The following NRXN3 variants were observed in gnomAD, a reference collection of about 807,000 sequenced individuals.
NRXN3 encodes neurexin III.
NRXN3 carries 32 observed loss-of-function variants against 137.6 expected under a neutral mutation model. That is an observed-to-expected ratio of 0.23 (90% CI 0.18 to 0.31). The LOEUF is 0.31. Ranked by LOEUF, NRXN3 falls within the 10% of genes least tolerant of loss-of-function variation. NRXN3 has a pLI of 1.00. For missense variants in NRXN3, 1,574 were observed against 2,062.5 expected, an observed-to-expected ratio of 0.76 and a Z score of 4.59; for synonymous variants, 798 against 784.5, an observed-to-expected ratio of 1.02 and a Z score of -0.29.
intron 15 of NRXN3, among the ~76,000 whole-genome samples, chr14:79,270,750 C>T (rs902516977): frequency 1.3e-5 from 2 of 152,134 alleles, no homozygotes; most frequent in Non-Finnish European, 2.9e-5. Context: ...ACATAGACAC[C>T]ATCAATGCCA....
chr14:79,616,413 G>A (rs995803714), intron 16 of NRXN3, among the ~76,000 whole-genome samples: 1 of 152,128 alleles, frequency 6.6e-6, no homozygotes, highest in Non-Finnish European at 1.5e-5. Flanking sequence ...CCTATCTCCA[G>A]TCTCACCAAG....
intron 10 of NRXN3, among the ~76,000 whole-genome samples, chr14:78,920,910 A>G (rs1241474277): frequency 6.6e-6 from 1 of 152,156 alleles, no homozygotes; most frequent in African/African-American, 2.4e-5. Flanking sequence ...TATGTTCACC[A>G]ATCTGGAAGA....
intron 10 of NRXN3, among the ~76,000 whole-genome samples, chr14:78,888,871 A>ACACACACACACACACACACACACACC (rs1491176672): frequency 4.1e-5 from 6 of 146,230 alleles, no homozygotes; most frequent in Non-Finnish European, 9.0e-5. Flanking sequence ...ACACACACAC[A>ACACACACACACACACACACACACACC]CCCCAGATTT....
chr14:78,781,723 A>G (rs2098770463), intron 8 of NRXN3, among the ~76,000 whole-genome samples: 1 of 152,248 alleles, frequency 6.6e-6, no homozygotes, highest in African/African-American at 2.4e-5. Context: ...AATAAAAATG[A>G]AAACAAAATA....
chr14:79,103,100 C>T (rs2051661274), intron 15 of NRXN3, among the ~76,000 whole-genome samples: 1 of 152,110 alleles, frequency 6.6e-6, no homozygotes, highest in South Asian at 2.1e-4. Flanking sequence ...AAGTCCCAAG[C>T]CCCTGTTCTT....
chr14:79,385,445 A>C (rs1442858793), intron 15 of NRXN3, among the ~76,000 whole-genome samples: 1 of 151,974 alleles, frequency 6.6e-6, no homozygotes. Flanking sequence ...ACATTTTCTT[A>C]ATCCAGTCTA....
At chr14:78,433,690 T>A (rs1261915747) in intron 4 of NRXN3, among the ~76,000 whole-genome samples, 4 of 152,194 alleles carry the variant, frequency 2.6e-5, no homozygotes, top group African/African-American at 9.7e-5. Flanking sequence ...TATGGGATGA[T>A]GCAGCAAGAA....
chr14:79,204,710 T>C (rs1039466004), intron 15 of NRXN3, among the ~76,000 whole-genome samples: 1 of 152,138 alleles, frequency 6.6e-6, no homozygotes, highest in African/African-American at 2.4e-5. Context: ...TGGGTAGATA[T>C]GGAACAAAAA....
chr14:78,201,118 C>T (rs1385750674), intron 1 of NRXN3, among the ~76,000 whole-genome samples: 1 of 152,204 alleles, frequency 6.6e-6, no homozygotes, highest in African/African-American at 2.4e-5. Flanking sequence ...ATATTTTCAA[C>T]ATTAATATTG....
At chr14:78,655,252 A>G (rs2097775643) in intron 6 of NRXN3, among the ~76,000 whole-genome samples, 1 of 152,250 alleles carries the variant, frequency 6.6e-6, no homozygotes, top group South Asian at 2.1e-4. Flanking sequence ...AAATGAAATG[A>G]TGTACATAAA....
At chr14:78,620,530 G>A (rs1237196360) in intron 4 of NRXN3, among the ~76,000 whole-genome samples, 3 of 152,162 alleles carry the variant, frequency 2.0e-5, no homozygotes, top group Admixed American at 1.3e-4. Flanking sequence ...ATGGCCAAAG[G>A]GGGAATCACT....
chr14:79,289,807 G>A (rs1378723893), intron 15 of NRXN3, among the ~76,000 whole-genome samples: 2 of 152,140 alleles, frequency 1.3e-5, no homozygotes, highest in African/African-American at 4.8e-5. Context: ...CAGAAGGCAG[G>A]AAAGAAATGG....
At chr14:78,700,030 T>C (rs2098264350) in intron 6 of NRXN3, among the ~76,000 whole-genome samples, 1 of 152,202 alleles carries the variant, frequency 6.6e-6, no homozygotes, top group African/African-American at 2.4e-5. Flanking sequence ...TTTATGGTCA[T>C]AGGTCCTTGT....
intron 15 of NRXN3, among the ~76,000 whole-genome samples, chr14:79,169,883 G>A (rs761186978): frequency 3.4e-4 from 51 of 152,042 alleles, no homozygotes; most frequent in Admixed American, 4.6e-4. Flanking sequence ...CAAAAGTATA[G>A]TAAATCCAGG....
intron 4 of NRXN3, among the ~76,000 whole-genome samples, chr14:78,340,068 A>G (rs1438292473): frequency 6.6e-6 from 1 of 152,250 alleles, no homozygotes; most frequent in Non-Finnish European, 1.5e-5. Context: ...CTTAGAAAGC[A>G]GGTCTCATCC....
intron 8 of NRXN3, among the ~76,000 whole-genome samples, chr14:78,780,236 G>A (rs1407726446): frequency 1.3e-5 from 2 of 151,638 alleles, no homozygotes; most frequent in African/African-American, 4.9e-5. Context: ...CTATGATGCT[G>A]GAATAATTTC....
At chr14:79,177,224 G>T (rs937569223) in intron 15 of NRXN3, among the ~76,000 whole-genome samples, 1 of 152,052 alleles carries the variant, frequency 6.6e-6, no homozygotes, top group Non-Finnish European at 1.5e-5. Context: ...CCTTTCTTTG[G>T]CATGTTTAAA....
intron 15 of NRXN3, among the ~76,000 whole-genome samples, chr14:79,438,462 T>G (rs892727667): frequency 3.3e-5 from 5 of 152,190 alleles, no homozygotes; most frequent in African/African-American, 1.2e-4. Flanking sequence ...GGTAAAGAAG[T>G]ACTAAAAAGG....
At chr14:78,847,152 A>G (rs902396194) in intron 10 of NRXN3, among the ~76,000 whole-genome samples, 46 of 152,058 alleles carry the variant, frequency 3.0e-4, no homozygotes, top group African/African-American at 9.4e-4. Context: ...ATTATGGCCA[A>G]TGAAACTCCA....
Sources: allele counts gnomAD v4.1 joint callset (sites outside exome capture counted in the v4.1 genomes callset), GRCh38; gene constraint gnomAD v4.1.1; transcripts MANE v1.5; gene names NCBI Gene and HGNC (gene_info 2026-07-23, HGNC 2026-07-21).